The following CPA6 variants were observed in gnomAD, a reference collection of about 807,000 sequenced individuals.
The protein encoded by CPA6 is carboxypeptidase A6.
A neutral mutation model predicts 63.3 loss-of-function variants in CPA6; 58 were observed. That is an observed-to-expected ratio of 0.92 (90% CI 0.74 to 1.14). The LOEUF is 1.14. Among genes scored for constraint, CPA6 ranks in the 50% most tolerant of loss-of-function variants. CPA6 has a pLI of 0.00. For synonymous variants in CPA6, 185 were observed against 179.0 expected, an observed-to-expected ratio of 1.03 and a Z score of -0.27; for missense variants, 565 against 526.6, an observed-to-expected ratio of 1.07 and a Z score of -0.71.
intron 2 of CPA6, among the ~76,000 whole-genome samples, chr8:67,614,819 C>A (rs749673674): frequency 3.3e-5 from 5 of 152,124 alleles, no homozygotes; most frequent in Non-Finnish European, 7.4e-5. Flanking sequence ...CATTCTTTGG[C>A]CACTGAATAA....
At chr8:67,705,513 T>C (rs1463850710) in intron 1 of CPA6, among the ~76,000 whole-genome samples, 1 of 152,222 alleles carries the variant, frequency 6.6e-6, no homozygotes, top group Non-Finnish European at 1.5e-5. Context: ...CTTTATATTA[T>C]TTAAGGGACC....
chr8:67,598,570 A>G (rs966660398), intron 2 of CPA6, among the ~76,000 whole-genome samples: 1 of 152,328 alleles, frequency 6.6e-6, no homozygotes, highest in Non-Finnish European at 1.5e-5. Context: ...TTGCTGACAT[A>G]TATTTTAAAA....
chr8:67,734,863 G>T (rs1054144854), intron 1 of CPA6, among the ~76,000 whole-genome samples: 5 of 152,144 alleles, frequency 3.3e-5, no homozygotes, highest in African/African-American at 1.2e-4. Flanking sequence ...TGACATGTTG[G>T]TGATTCATGA....
intron 2 of CPA6, among the ~76,000 whole-genome samples, chr8:67,573,172 A>G (rs1452074785): frequency 6.6e-6 from 1 of 152,236 alleles, no homozygotes; most frequent in Non-Finnish European, 1.5e-5. Context: ...CATTATACAC[A>G]ATGGTGAAAA....
chr8:67,472,393 T>TATTC (rs1563965911), intron 8 of CPA6, among the ~76,000 whole-genome samples: 1 of 100,566 alleles, frequency 9.9e-6, no homozygotes, highest in African/African-American at 8.8e-5. Flanking sequence ...TTATTTTATT[T>TATTC]TATTTTATTT....
intron 1 of CPA6, among the ~76,000 whole-genome samples, chr8:67,666,839 C>G (rs1356034696): frequency 1.3e-5 from 2 of 152,172 alleles, no homozygotes; most frequent in Non-Finnish European, 2.9e-5. Flanking sequence ...GGTTGACACT[C>G]TCGATCATTC....
chr8:67,642,272 C>A (rs187484755), intron 1 of CPA6, among the ~76,000 whole-genome samples: 20 of 150,376 alleles, frequency 1.3e-4, no homozygotes, highest in Non-Finnish European at 2.5e-4. Flanking sequence ...GAGCTGAGAT[C>A]ATGCCATTGC....
At chr8:67,653,459 T>C (rs1279471025) in intron 1 of CPA6, among the ~76,000 whole-genome samples, 1 of 150,744 alleles carries the variant, frequency 6.6e-6, no homozygotes, top group Non-Finnish European at 1.5e-5. Context: ...GTCCTTCACA[T>C]CCCTTGTAAG....
At chr8:67,734,633 G>A (rs557425768) in intron 1 of CPA6, among the ~76,000 whole-genome samples, 3 of 152,138 alleles carry the variant, frequency 2.0e-5, no homozygotes, top group African/African-American at 7.2e-5. Flanking sequence ...ATTTCTAACT[G>A]CTGCAAATAC....
At chr8:67,673,896 T>C (rs1816411273) in intron 1 of CPA6, among the ~76,000 whole-genome samples, 1 of 152,192 alleles carries the variant, frequency 6.6e-6, no homozygotes, top group Admixed American at 6.5e-5. Flanking sequence ...ATACAATTGT[T>C]ATATATAGAA....
intron 2 of CPA6, among the ~76,000 whole-genome samples, chr8:67,543,680 T>C (rs1201706258): frequency 6.6e-6 from 1 of 152,164 alleles, no homozygotes; most frequent in African/African-American, 2.4e-5. Flanking sequence ...TACAATTCAG[T>C]ACTATACATG....
chr8:67,439,239 G>A (rs1810233246), intron 8 of CPA6, among the ~76,000 whole-genome samples: 1 of 152,074 alleles, frequency 6.6e-6, no homozygotes, highest in South Asian at 2.1e-4. Flanking sequence ...GTTACAGTGA[G>A]TTGTGATGGT....
In CPA6 at chr8:67,710,047, A is replaced by C. The variant is rs1817221932; in HGVS notation, c.116+35967T>G. Among the ~76,000 whole-genome samples, 3 of 152,040 alleles carry C rather than the reference A, an allele frequency of 2.0e-5. No individual in the cohort carries two copies. The South Asian group carries it at 6.2e-4, about 32-fold the overall frequency. ...AGAATCGCTTGAACCCAGGAGGCAG[A>C]GGTTGCAGTGAGCTGAGATCGCGCC... is the stretch of plus-strand genomic sequence containing the variant. On this transcript the variant is annotated intron_variant, in intron 1 of 10. Transcript: ENST00000297770.
intron 2 of CPA6, among the ~76,000 whole-genome samples, chr8:67,616,738 G>A (rs1417186255): frequency 6.6e-6 from 1 of 152,078 alleles, no homozygotes. Flanking sequence ...CTCTAAGCTT[G>A]GGTTCAAGGA....
At chr8:67,516,055 A>T (rs1241711777) in intron 3 of CPA6, among the ~76,000 whole-genome samples, 1 of 152,040 alleles carries the variant, frequency 6.6e-6, no homozygotes, top group East Asian at 1.9e-4. Context: ...GAGGACCTCA[A>T]CTTTCTCGCC....
chr8:67,490,545 T>C (rs1410070855), intron 6 of CPA6, among the ~76,000 whole-genome samples: 2 of 152,168 alleles, frequency 1.3e-5, no homozygotes, highest in East Asian at 3.9e-4. Context: ...ATTTTTTCAA[T>C]TAAAAGATAC....
At position 67,434,207 on chromosome 8, in the gene CPA6, G is replaced by A. The variant is rs749845096; in HGVS notation, c.872C>T (p.Thr291Ile). 1.7e-5 allele frequency: 27 copies of A among 1,614,026 alleles called. No homozygotes were observed. Reference protein sequence around the residue: ...EGASMHPCDDTYCGPFPESEP... With the variant: ...EGASMHPCDDIYCGPFPESEP... ...AGATTCTGGAAAAGGGCCACAGTAT[G>A]TGTCATCACAAGGGTGCATAGAAGC... Residue 291 changes from threonine (T) to isoleucine (I), a missense_variant, in exon 9 of 11, where the codon ACA becomes ATA. Thr to Ile is a moderately conservative substitution (Grantham distance 89). Coordinates refer to ENST00000297770, the MANE Select transcript of CPA6 (RefSeq NM_020361.5).
rs1440922950 is a variant in CPA6, at chr8:67,464,893, G to C, written c.838+18875C>G. On this transcript the variant is annotated intron_variant, in intron 8 of 10. Coordinates refer to ENST00000297770, the MANE Select transcript of CPA6 (RefSeq NM_020361.5). The stretch of plus-strand genomic sequence containing the variant: ...ACATCTGTTTTTGTACCAGTACCAT[G>C]CTGTTTTGGTTACTGTAGCCTCATA... Among the ~76,000 whole-genome samples, 4 of 152,266 alleles carry C rather than the reference G, an allele frequency of 2.6e-5. No homozygotes were observed. In the East Asian group the frequency reaches 7.7e-4, roughly 29 times the overall value.
intron 1 of CPA6, among the ~76,000 whole-genome samples, chr8:67,632,692 G>C (rs139868102): frequency 9.0e-4 from 137 of 152,276 alleles, no homozygotes; most frequent in Middle Eastern, 6.8e-3. Flanking sequence ...CTTTACTAGA[G>C]AGCTATTTTG....
Sources: allele counts gnomAD v4.1 joint callset (sites outside exome capture counted in the v4.1 genomes callset), GRCh38; gene constraint gnomAD v4.1.1; transcripts MANE v1.5; gene names NCBI Gene and HGNC (gene_info 2026-07-23, HGNC 2026-07-21).